The following P2RY8 variants were observed in gnomAD, a reference collection of about 807,000 sequenced individuals.
P2RY8 encodes the protein S-geranylgeranyl-glutathione receptor P2RY8.
In P2RY8, 6 loss-of-function variants were observed where a neutral mutation model predicts 10.0. That is an observed-to-expected ratio of 0.60 (90% confidence interval 0.33 to 1.19). The LOEUF is 1.19. Among genes scored for constraint, P2RY8 ranks in the 50% most tolerant of loss-of-function variants. The pLI is 0.04. For missense variants in P2RY8, 456 were observed against 542.0 expected, an observed-to-expected ratio of 0.84 and a Z score of 1.58; for synonymous variants, 276 against 252.5, an observed-to-expected ratio of 1.09 and a Z score of -0.88.
rs185144009 is a variant in P2RY8, at chrX:1,472,142, G to A, written c.-24-5560C>T. ...AGGAAGTTGTCGTGGGCCACACCCT[G>A]GCTGATACTCTCGGTATTATGGCCA... On this transcript the variant is annotated intron_variant, in intron 1 of 1. Coordinates refer to ENST00000381297, the MANE Select transcript of P2RY8 (RefSeq NM_178129.5). Among the ~76,000 whole-genome samples the A allele has an allele frequency of 1.2e-3, 182 of 152,094 alleles. 1 individual carries two copies. The South Asian group carries it at 0.025, about 21-fold the overall frequency.
intron 1 of P2RY8, among the ~76,000 whole-genome samples, chrX:1,531,567 AACCAACACAGCCTGGC>A: frequency 6.6e-6 from 1 of 151,998 alleles, no homozygotes; most frequent in Middle Eastern, 3.4e-3. Context: ...CATCATCCGA[AACCAACACAGCCTGGC>A]ACCTGCCACC....
intron 1 of P2RY8, among the ~76,000 whole-genome samples, chrX:1,474,169 T>TCTGGGTGGTTGGATATATAG (rs2091844052): frequency 9.1e-6 from 1 of 110,204 alleles, no homozygotes; most frequent in Admixed American, 9.1e-5. Flanking sequence ...TGGGTGGGTG[T>TCTGGGTGGTTGGATATATAG]ATGGATGGGT....
At chrX:1,490,716 C>T (rs1319289731) in intron 1 of P2RY8, among the ~76,000 whole-genome samples, 10 of 146,310 alleles carry the variant, frequency 6.8e-5, no homozygotes, top group Admixed American at 6.8e-4. Context: ...ATGAATGATA[C>T]CCAGATATTC....
chrX:1,466,209 A>T lies in P2RY8; in HGVS notation c.350T>A (p.Ile117Asn). 6.2e-7 allele frequency: 1 copy of T among 1,613,360 alleles called. No homozygotes were observed. Among genetic ancestry groups the T allele is most frequent in the Non-Finnish European group, 8.5e-7 (1 of 1,179,644 alleles). The change falls in exon 2 of 2, where the codon ATC (isoleucine) becomes AAC (asparagine). Residue 117 changes from isoleucine (I) to asparagine (N), a missense_variant. Ile to Asn is a moderately radical substitution (Grantham distance 149). Coordinates refer to ENST00000381297, the MANE Select transcript of P2RY8 (RefSeq NM_178129.5). ...MYSSILTMTC[I>N]SVERFLGVLY... Reference sequence around the variant, plus strand: ...GACCCCCAGGAAGCGCTCCACGCTGATACAGGTCATGGTGAGGATGCTGGA... The same window carrying T: ...GACCCCCAGGAAGCGCTCCACGCTGTTACAGGTCATGGTGAGGATGCTGGA...
intron 1 of P2RY8, among the ~76,000 whole-genome samples, chrX:1,514,877 T>TC (rs1473843488): frequency 3.8e-5 from 1 of 26,294 alleles, no homozygotes; most frequent in East Asian, 1.2e-3. Flanking sequence ...CCTTCCCCTG[T>TC]CTTCCTCTCC....
chrX:1,488,780 A>C (rs1318771970), intron 1 of P2RY8, among the ~76,000 whole-genome samples: 1 of 151,060 alleles, frequency 6.6e-6, no homozygotes, highest in Non-Finnish European at 1.5e-5. Context: ...GGACATTCCC[A>C]ATGACTGTGG....
intron 1 of P2RY8, among the ~76,000 whole-genome samples, chrX:1,509,493 A>G (rs1247760609): frequency 1.6e-5 from 2 of 127,354 alleles, no homozygotes; most frequent in East Asian, 2.4e-4. Flanking sequence ...GCATCCATCC[A>G]TCCATCCCTC....
chrX:1,502,861 G>GC (rs1425196136), intron 1 of P2RY8, among the ~76,000 whole-genome samples: 1 of 150,760 alleles, frequency 6.6e-6, no homozygotes. Context: ...GATGCCTGGA[G>GC]CCCCCAGGAG....
At chrX:1,467,521 G>C (rs1378878414) in intron 1 of P2RY8, among the ~76,000 whole-genome samples, 2 of 152,150 alleles carry the variant, frequency 1.3e-5, no homozygotes. Context: ...TTCCTTCTTT[G>C]GGTTCCGCTT....
chrX:1,510,192 T>C (rs181579214), intron 1 of P2RY8, among the ~76,000 whole-genome samples: 3 of 152,278 alleles, frequency 2.0e-5, no homozygotes, highest in African/African-American at 7.2e-5. Context: ...TATCATCTAA[T>C]CTATTCATCC....
chrX:1,516,790 G>C (rs1230660251), intron 1 of P2RY8, among the ~76,000 whole-genome samples: 2 of 147,690 alleles, frequency 1.4e-5, no homozygotes, highest in Non-Finnish European at 3.0e-5. Context: ...CACACACAGA[G>C]GGGCGACCCT....
At chrX:1,472,356 A>G (rs55691527) in intron 1 of P2RY8, among the ~76,000 whole-genome samples, 78,651 of 149,248 alleles carry the variant, frequency 0.53, 20,947 homozygotes, top group South Asian at 0.65. Flanking sequence ...GGGTAGATGG[A>G]TGAATAAATG....
At position 1,466,493 on chromosome X, in the gene P2RY8, G is replaced by C; in HGVS notation, c.66C>G (p.Ile22Met). ...AGTACACCACGGGCAGGGCCACCGC[G>C]ATCGCCGGGTTCCGCAGCATCTGCA... ...ATLQMLRNPA[I>M]AVALPVVYSL... The change falls in exon 2 of 2, where the codon ATC (isoleucine) becomes ATG (methionine). Residue 22 changes from isoleucine to methionine, a missense_variant. By Grantham distance (10) the Ile-to-Met change is conservative. Coordinates refer to ENST00000381297, the MANE Select transcript of P2RY8 (RefSeq NM_178129.5). The C allele has an allele frequency of 2.5e-6, 4 of 1,611,356 alleles. No individual in the cohort carries two copies. Among genetic ancestry groups the C allele is most frequent in the Non-Finnish European group, 3.4e-6 (4 of 1,179,726 alleles).
chrX:1,477,050 G>A (rs779052061), intron 1 of P2RY8, among the ~76,000 whole-genome samples: 2 of 152,238 alleles, frequency 1.3e-5, no homozygotes, highest in South Asian at 4.2e-4. Flanking sequence ...CTAGCCAGGT[G>A]TGGTGGCGGG....
intron 1 of P2RY8, among the ~76,000 whole-genome samples, chrX:1,534,248 ATTAT>A (rs1386940091): frequency 2.8e-5 from 4 of 142,690 alleles, no homozygotes; most frequent in East Asian, 2.0e-4. Context: ...TTTATATATA[ATTAT>A]TTATATAATT....
chrX:1,474,585 TGGATGGA>T (rs2091852744), intron 1 of P2RY8, among the ~76,000 whole-genome samples: 1 of 140,616 alleles, frequency 7.1e-6, no homozygotes, highest in East Asian at 2.0e-4. Flanking sequence ...GATGGATGGA[TGGATGGA>T]TGGATGGATG....
intron 1 of P2RY8, among the ~76,000 whole-genome samples, chrX:1,524,409 G>GCATGCATCCATCCATCCATACATCCATC (rs1309158911): frequency 9.1e-6 from 1 of 109,786 alleles, no homozygotes; most frequent in African/African-American, 3.7e-5. Flanking sequence ...ATCCATGCAT[G>GCATGCATCCATCCATCCATACATCCATC]CATCCATCCA....
chrX:1,527,451 A>G (rs771979207), intron 1 of P2RY8, among the ~76,000 whole-genome samples: 2 of 152,104 alleles, frequency 1.3e-5, no homozygotes, highest in Admixed American at 6.5e-5. Context: ...TTCCTTATCC[A>G]TCCACTCATC....
At chrX:1,527,427 C>A (rs1231561027) in intron 1 of P2RY8, among the ~76,000 whole-genome samples, 1 of 152,092 alleles carries the variant, frequency 6.6e-6, no homozygotes, top group Admixed American at 6.6e-5. Flanking sequence ...TTTATCTATT[C>A]ATTCATTCAT....
Sources: gnomAD v4.1 joint callset for allele counts (sites outside exome capture counted in the v4.1 genomes callset) on GRCh38, gnomAD v4.1.1 for gene constraint, MANE v1.5 for transcripts, NCBI Gene and HGNC (gene_info 2026-07-23, HGNC 2026-07-21) for gene names.